Variants in PDE12 observed in about 807,000 individuals in gnomAD.
PDE12 encodes the protein phosphodiesterase 12.
In PDE12, 26 loss-of-function variants were observed where a neutral mutation model predicts 45.4. The observed-to-expected ratio is 0.57, with a 90% confidence interval of 0.42 to 0.79. The LOEUF is 0.79. Ranked by LOEUF, PDE12 falls within the 30% of genes least tolerant of loss-of-function variation. The pLI, the probability that PDE12 is intolerant of heterozygous loss-of-function variation, is 0.00. For synonymous variants in PDE12, 283 were observed against 323.9 expected (o/e 0.87, Z 1.36); for missense variants, 668 against 790.0 (o/e 0.85, Z 1.85).
At chr3:57,584,980 C>T in the PDE12 span, among the ~76,000 whole-genome samples, 1 of 152,118 alleles carries the variant, frequency 6.6e-6, no homozygotes, top group South Asian at 2.1e-4. Flanking sequence ...TCTCCTGCCT[C>T]AGCCTCCCAA....
chr3:57,610,636 T>G, the PDE12 span, among the ~76,000 whole-genome samples: 1 of 152,098 alleles, frequency 6.6e-6, no homozygotes, highest in Non-Finnish European at 1.5e-5. Context: ...CCATTCACAA[T>G]TGCTTCAAAG....
chr3:57,603,652 C>G, the PDE12 span, among the ~76,000 whole-genome samples: 1 of 141,010 alleles, frequency 7.1e-6, no homozygotes, highest in Non-Finnish European at 1.5e-5. Context: ...GATGAAGTTT[C>G]GCTCTTATTG....
chr3:57,624,520 G>C, the PDE12 span, among the ~76,000 whole-genome samples: 1 of 151,850 alleles, frequency 6.6e-6, no homozygotes, highest in African/African-American at 2.4e-5. Flanking sequence ...GTAATCCCAG[G>C]ACTTTGGGAA....
the PDE12 span, among the ~76,000 whole-genome samples, chr3:57,632,021 C>CTT: frequency 1.4e-3 from 138 of 96,008 alleles, no homozygotes; most frequent in East Asian, 4.0e-3. Flanking sequence ...CGCGCCCGGC[C>CTT]TTTTTTTTTT....
the PDE12 span, among the ~76,000 whole-genome samples, chr3:57,650,886 G>A: frequency 6.7e-6 from 1 of 150,160 alleles, no homozygotes; most frequent in Non-Finnish European, 1.5e-5. Context: ...CCAGATTCAA[G>A]AGATTCTCCT....
At chr3:57,618,538 C>T in the PDE12 span, among the ~76,000 whole-genome samples, 2 of 151,428 alleles carry the variant, frequency 1.3e-5, no homozygotes, top group Non-Finnish European at 1.5e-5. Context: ...CCTCCCATCT[C>T]AGTCTCCCAA....
the PDE12 span, chr3:57,630,612 C>T: frequency 2.0e-6 from 3 of 1,524,902 alleles, no homozygotes; most frequent in East Asian, 6.9e-5. Flanking sequence ...CCATGTCAAA[C>T]TTTAGTAGAA....
the PDE12 span, among the ~76,000 whole-genome samples, chr3:57,608,768 G>A: frequency 6.6e-6 from 1 of 152,128 alleles, no homozygotes; most frequent in Non-Finnish European, 1.5e-5. Flanking sequence ...AAGAGACTTA[G>A]ACTCCCACAT....
At chr3:57,593,161 G>C in the PDE12 span, among the ~76,000 whole-genome samples, 1 of 152,220 alleles carries the variant, frequency 6.6e-6, no homozygotes, top group African/African-American at 2.4e-5. Flanking sequence ...CTATGATCAT[G>C]CCACCTGTAT....
chr3:57,628,876 GAAGT>G, the PDE12 span: 7 of 1,612,688 alleles, frequency 4.3e-6, no homozygotes, highest in Non-Finnish European at 5.9e-6. Flanking sequence ...TGGATCCAGA[GAAGT>G]AAGTCCTAGA....
chr3:57,570,969 C>G (rs2069835938), downstream of PDE12, among the ~76,000 whole-genome samples: 1 of 152,038 alleles, frequency 6.6e-6, no homozygotes, highest in African/African-American at 2.4e-5. Context: ...CTCCCCACCC[C>G]CCACCTGATT....
the PDE12 span, among the ~76,000 whole-genome samples, chr3:57,576,405 A>T: frequency 6.6e-6 from 1 of 150,964 alleles, no homozygotes; most frequent in Non-Finnish European, 1.5e-5. Flanking sequence ...CTAGTATTAG[A>T]TTGTGATGAT....
chr3:57,653,483 C>T, the PDE12 span, among the ~76,000 whole-genome samples: 7 of 151,888 alleles, frequency 4.6e-5, no homozygotes, highest in Non-Finnish European at 7.3e-5. Context: ...CGGTGGCTCA[C>T]GCCTGTAATC....
the PDE12 span, chr3:57,597,186 G>T: frequency 6.4e-7 from 1 of 1,557,394 alleles, no homozygotes; most frequent in Non-Finnish European, 8.8e-7. Flanking sequence ...GGGGTTTGGG[G>T]CGACCCCGTG....
the PDE12 span, chr3:57,630,432 G>A: frequency 6.3e-7 from 1 of 1,584,016 alleles, no homozygotes; most frequent in Non-Finnish European, 8.5e-7. Context: ...TCTTCACAAA[G>A]AGCTTCTAGA....
intron 1 of PDE12, 103 bp from the exon 2 acceptor site, chr3:57,559,207 T>TGA (rs894391204): frequency 5.4e-6 from 5 of 920,028 alleles, no homozygotes; most frequent in East Asian, 2.5e-5. Flanking sequence ...GTTGACAGAG[T>TGA]GAGACTGTCT....
chr3:57,599,411 C>T, the PDE12 span, among the ~76,000 whole-genome samples: 14 of 152,322 alleles, frequency 9.2e-5, no homozygotes, highest in East Asian at 2.7e-3. Context: ...TCCTTTCACA[C>T]TTTAGGCCTT....
At chr3:57,573,517 T>G in the PDE12 span, among the ~76,000 whole-genome samples, 7 of 152,186 alleles carry the variant, frequency 4.6e-5, no homozygotes, top group African/African-American at 1.7e-4. Flanking sequence ...AGGCTCAAAT[T>G]CATACCTTCA....
chr3:57,577,158 T>C, the PDE12 span, among the ~76,000 whole-genome samples: 1 of 152,146 alleles, frequency 6.6e-6, no homozygotes, highest in Non-Finnish European at 1.5e-5. Context: ...TTGAAGTACA[T>C]TATTAAGAAC....
Sources: gnomAD v4.1 joint callset for allele counts (sites outside exome capture counted in the v4.1 genomes callset) on GRCh38, gnomAD v4.1.1 for gene constraint, MANE v1.5 for transcripts, NCBI Gene and HGNC (gene_info 2026-07-23, HGNC 2026-07-21) for gene names.